The following SPON2 variants were observed in gnomAD, a reference collection of about 807,000 sequenced individuals.
SPON2 encodes spondin-2.
In SPON2, 32 loss-of-function variants were observed where a neutral mutation model predicts 29.9. That is an observed-to-expected ratio of 1.07 (90% CI 0.81 to 1.44). SPON2 has a LOEUF of 1.44. Among genes scored for constraint, SPON2 ranks in the 40% most tolerant of loss-of-function variants. The probability of loss-of-function intolerance (pLI) is 0.00; values close to 1 mark genes in which losing one functional copy is unlikely to be tolerated. For synonymous variants in SPON2, 248 were observed against 209.1 expected, an observed-to-expected ratio of 1.19 and a Z score of -1.61; for missense variants, 541 against 455.5, an observed-to-expected ratio of 1.19 and a Z score of -1.71.
chr4:1,167,868 G>A (rs1418667267), intron 5 of SPON2: 6 of 472,972 alleles, frequency 1.3e-5, no homozygotes, highest in Non-Finnish European at 1.8e-5. Context: ...GGAGTTGCGC[G>A]TTTCTACGTA....
intron 5 of SPON2, among the ~76,000 whole-genome samples, chr4:1,168,609 C>T (rs1727322839): frequency 6.6e-6 from 1 of 152,210 alleles, no homozygotes; most frequent in Admixed American, 6.5e-5. Flanking sequence ...GCCAGGGCCC[C>T]GGGCAGCCCA....
Position 1,167,507 on chromosome 4 carries a change from C to G in SPON2, c.961G>C (p.Glu321Gln). ...TTATCAGGGACGCACTCAGCCTCTT[C>G]TTCGAGCTCGGGGCAGGGGCTCCCG... ...NNGSPCPELE[E>Q]EAECVPDNCV Residue 321 changes from glutamate to glutamine, a missense_variant, in exon 6 of 6, where the codon GAA (glutamate) becomes CAA (glutamine). Physicochemically the swap from Glu to Gln is conservative, Grantham distance 29. Coordinates refer to ENST00000290902, the MANE Select transcript of SPON2 (RefSeq NM_012445.4). 1 of 1,613,828 alleles carries G rather than the reference C, an allele frequency of 6.2e-7. No individual in the cohort carries two copies. The highest frequency in any genetic ancestry group is 1.1e-5 in the South Asian group (1 of 91,066).
chr4:1,171,257 G>C lies in SPON2; in HGVS notation c.444+6C>G. ...GGACCCCGCCCCCGGCCGGCCCCGC[G>C]CTCACCAGCGAGTGCCTGCGCTGCA... On this transcript the variant is annotated splice_donor_region_variant and intron_variant, in intron 3 of 5. Transcript: ENST00000290902. 1 of 1,483,880 alleles carries C rather than the reference G, an allele frequency of 6.7e-7. No homozygotes were observed. The highest frequency in any genetic ancestry group is 8.9e-7 in the Non-Finnish European group (1 of 1,125,250). The allele number at this position is 1,483,880 out of a possible 1,614,324, so 91.9% of individuals were successfully genotyped here.
intron 1 of SPON2, chr4:1,200,648 A>G (rs1421662933): frequency 3.3e-5 from 12 of 365,504 alleles, no homozygotes; most frequent in South Asian, 2.4e-4. Context: ...TCTCCCTAGC[A>G]GGAAGCTGGG....
chr4:1,171,591 C>T, intron 2 of SPON2, 105 bp from the exon 3 acceptor site: 7 of 1,196,290 alleles, frequency 5.9e-6, no homozygotes, highest in African/African-American at 1.5e-5. Context: ...CCGCAGGGAA[C>T]CATGGCCCCC....
upstream of SPON2, among the ~76,000 whole-genome samples, chr4:1,176,322 A>C (rs1727592772): frequency 6.6e-6 from 1 of 152,058 alleles, no homozygotes; most frequent in Non-Finnish European, 1.5e-5. Flanking sequence ...CCCCCCACCC[A>C]CACAGAAGAG....
intron 1 of SPON2, 37 bp from the exon 2 acceptor site, chr4:1,172,111 C>T: frequency 1.3e-6 from 2 of 1,575,692 alleles, no homozygotes; most frequent in East Asian, 2.2e-5. Flanking sequence ...GCGCTGGCAC[C>T]GTCGTGGCAG....
chr4:1,201,262 G>A (rs796394921), intron 1 of SPON2: 7 of 389,566 alleles, frequency 1.8e-5, no homozygotes, highest in East Asian at 7.4e-5. Flanking sequence ...CCCCATGCCC[G>A]CCCTACCTGC....
intron 2 of SPON2, among the ~76,000 whole-genome samples, chr4:1,178,761 T>A (rs1232697798): frequency 6.6e-6 from 1 of 151,550 alleles, no homozygotes; most frequent in Non-Finnish European, 1.5e-5. Flanking sequence ...GGATTTACTA[T>A]GGGGGCTAAG....
chr4:1,172,462 G>A (rs1287342542), intron 1 of SPON2, 82 bp downstream of exon 1: 1 of 306,604 alleles, frequency 3.3e-6, no homozygotes, highest in African/African-American at 2.3e-5. Context: ...TCCCTCTGGA[G>A]GTGCCACAAG....
At chr4:1,174,443 C>T (rs1264587429), upstream of SPON2, among the ~76,000 whole-genome samples, 2 of 144,014 alleles carry the variant, frequency 1.4e-5, no homozygotes, top group African/African-American at 2.6e-5. Flanking sequence ...GCCAAGATCG[C>T]GCCACTGCAG....
intron 1 of SPON2, among the ~76,000 whole-genome samples, chr4:1,186,848 T>C (rs1727816447): frequency 6.6e-6 from 1 of 152,146 alleles, no homozygotes; most frequent in South Asian, 2.1e-4. Context: ...CCCATTAAGA[T>C]GACTACTATC....
chr4:1,196,231 G>A (rs1043655372), upstream of SPON2, among the ~76,000 whole-genome samples: 6 of 152,298 alleles, frequency 3.9e-5, no homozygotes, highest in Middle Eastern at 3.4e-3. Flanking sequence ...GAGGCCACGT[G>A]TTCCAGGGTC....
At chr4:1,206,262 G>T (rs1728339502) in intron 1 of SPON2, among the ~76,000 whole-genome samples, 1 of 152,080 alleles carries the variant, frequency 6.6e-6, no homozygotes, top group Non-Finnish European at 1.5e-5. Context: ...ACCCAGGACT[G>T]GAGAGGGCCC....
intron 1 of SPON2, among the ~76,000 whole-genome samples, chr4:1,206,965 T>G (rs953648167): frequency 6.6e-5 from 1 of 15,078 alleles, no homozygotes; most frequent in Admixed American, 9.5e-4. Context: ...GGGGCAGGTG[T>G]GGGGCAATTG....
rs901608870 is a variant in SPON2, at chr4:1,172,105, T to C, written c.-3-31A>G. On this transcript the variant is annotated intron_variant, in intron 1 of 5. Coordinates refer to ENST00000290902, the MANE Select transcript of SPON2 (RefSeq NM_012445.4). Reference sequence around the variant, plus strand: ...AGCACAGAGGGGAGCAGCCGCGCGCTGGCACCGTCGTGGCAGCCTCGGGGT... The same window carrying C: ...AGCACAGAGGGGAGCAGCCGCGCGCCGGCACCGTCGTGGCAGCCTCGGGGT... 5.7e-6 allele frequency: 9 copies of C among 1,585,770 alleles called. No homozygotes were observed. The African/African-American group carries it at 1.1e-4, about 19-fold the overall frequency.
chr4:1,200,787 C>T (rs950533850), intron 1 of SPON2: 22 of 456,422 alleles, frequency 4.8e-5, no homozygotes, highest in Non-Finnish European at 9.3e-5. Flanking sequence ...CCCTCTGGTC[C>T]CTGCCTTTGC....
chr4:1,188,333 A>G (rs1048385706), intron 1 of SPON2, among the ~76,000 whole-genome samples: 4 of 152,218 alleles, frequency 2.6e-5, no homozygotes, highest in African/African-American at 9.6e-5. Flanking sequence ...TGGAAAACAA[A>G]TAGCAAATGG....
At chr4:1,191,961 C>A (rs1356398702) in intron 1 of SPON2, among the ~76,000 whole-genome samples, 6 of 152,248 alleles carry the variant, frequency 3.9e-5, no homozygotes, top group Non-Finnish European at 7.3e-5. Context: ...TGGCCGCAGA[C>A]CACTTGGGTC....
Sources: gnomAD v4.1 joint callset for allele counts (sites outside exome capture counted in the v4.1 genomes callset) on GRCh38, gnomAD v4.1.1 for gene constraint, MANE v1.5 for transcripts, NCBI Gene and HGNC (gene_info 2026-07-23, HGNC 2026-07-21) for gene names.